The following UNC80 variants were observed in gnomAD, a reference collection of about 807,000 sequenced individuals.
UNC80 encodes the protein unc-80 subunit of NALCN channel complex.
Under a neutral mutation model 384.6 loss-of-function variants are expected in UNC80, and 164 were observed. The ratio of observed to expected loss-of-function variants is 0.43; its 90% CI spans 0.38 to 0.49. The LOEUF (loss-of-function observed/expected upper bound fraction) is 0.49, where lower values mean the gene tolerates loss of function less well. Ranked by LOEUF, UNC80 falls within the 20% of genes least tolerant of loss-of-function variation. UNC80 has a pLI of 0.00. For synonymous variants in UNC80, 1,486 were observed against 1,527.8 expected, an observed-to-expected ratio of 0.97 and a Z score of 0.64; for missense variants, 3,330 against 4,143.0, an observed-to-expected ratio of 0.80 and a Z score of 5.39.
intron 22 of UNC80, among the ~76,000 whole-genome samples, chr2:209,870,183 G>A (rs1414198271): frequency 6.6e-6 from 1 of 152,122 alleles, no homozygotes. Context: ...TATTTCAGCA[G>A]TGTTACCTAT....
rs6760481 is a variant in UNC80 at position 209,913,770 on chromosome 2, G to A, written c.4891-32G>A. 7.6e-4 allele frequency: 1,156 copies of A among 1,529,384 alleles called. 9 individuals are homozygous for A. The African/African-American group carries it at 0.014, about 18-fold the overall frequency. 94.7% of individuals were successfully genotyped at this position (1,529,384 alleles called of 1,614,324 possible). A position where few individuals can be genotyped will look rare whatever the true frequency, so the allele number is the denominator to read the frequency against. ...AAGTGCAGTATTCACTGTCTTAAAA[G>A]ATTTTAAAACATGATTTCCATCTTT... On this transcript the variant is annotated intron_variant, in intron 30 of 64. Transcript: ENST00000673920.
intron 61 of UNC80, among the ~76,000 whole-genome samples, chr2:209,988,890 C>T (rs1352188345): frequency 1.2e-4 from 18 of 152,124 alleles, no homozygotes; most frequent in Admixed American, 1.2e-3. Flanking sequence ...AGATTATTTA[C>T]TCCTAAATAT....
At chr2:209,831,390 C>T (rs2080956535) in intron 15 of UNC80, 53 bp from the exon 16 acceptor site, 2 of 1,510,054 alleles carry the variant, frequency 1.3e-6, no homozygotes, top group Admixed American at 2.2e-5. Context: ...TACTCCTACC[C>T]ATTGTGTAGC....
chr2:209,777,703 A>G, intron 4 of UNC80, 144 bp downstream of exon 4: 1 of 911,854 alleles, frequency 1.1e-6, no homozygotes, highest in Non-Finnish European at 1.6e-6. Context: ...TTCTGTGTTA[A>G]ACTACTGAAC....
intron 22 of UNC80, among the ~76,000 whole-genome samples, chr2:209,858,331 G>A (rs2083088033): frequency 6.6e-6 from 1 of 152,114 alleles, no homozygotes; most frequent in Admixed American, 6.5e-5. Context: ...CATTAGGTTA[G>A]TATTGGCTGG....
intron 43 of UNC80, among the ~76,000 whole-genome samples, chr2:209,940,340 A>C (rs1456699466): frequency 6.6e-6 from 1 of 152,150 alleles, no homozygotes; most frequent in Non-Finnish European, 1.5e-5. Flanking sequence ...CATAGTGCAT[A>C]TTTTTGTCAA....
At chr2:209,874,506 C>CT (rs1330939238) in intron 23 of UNC80, among the ~76,000 whole-genome samples, 1 of 152,212 alleles carries the variant, frequency 6.6e-6, no homozygotes, top group African/African-American at 2.4e-5. Context: ...TTCTGACTTT[C>CT]TTGCAGCATT....
At chr2:209,880,092 C>G (rs544607940) in intron 24 of UNC80, among the ~76,000 whole-genome samples, 1 of 152,078 alleles carries the variant, frequency 6.6e-6, no homozygotes, top group Non-Finnish European at 1.5e-5. Flanking sequence ...AGAAAGAATT[C>G]TACATGGCTT....
intron 7 of UNC80, among the ~76,000 whole-genome samples, chr2:209,804,679 T>TTATATA (rs992678961): frequency 2.7e-5 from 4 of 150,240 alleles, no homozygotes; most frequent in African/African-American, 9.8e-5. Context: ...TTCTTAGAAG[T>TTATATA]TATATATATA....
At chr2:209,961,432 C>G (rs903864872) in intron 51 of UNC80, 2 of 152,070 alleles carry the variant, frequency 1.3e-5, no homozygotes, top group Non-Finnish European at 2.9e-5. Flanking sequence ...GTTGTAAGTA[C>G]TATAATCACA....
At chr2:209,905,215 G>A (rs754785551) in intron 29 of UNC80, among the ~76,000 whole-genome samples, 6 of 152,082 alleles carry the variant, frequency 3.9e-5, no homozygotes, top group Non-Finnish European at 7.4e-5. Flanking sequence ...GGATGATGAC[G>A]ATGACGAATA....
chr2:209,926,793 A>G, intron 35 of UNC80, 50 bp from the exon 36 acceptor site: 1 of 1,546,380 alleles, frequency 6.5e-7, no homozygotes, highest in Non-Finnish European at 8.7e-7. Context: ...CAGTAGCAAC[A>G]AAGAATTACG....
chr2:209,773,073 A>ATT (rs1456285442), intron 1 of UNC80, 21 bp from the exon 2 acceptor site: 2 of 1,589,570 alleles, frequency 1.3e-6, no homozygotes, highest in East Asian at 4.5e-5. Flanking sequence ...TTATTAACAA[A>ATT]TATCTCTATT....
Position 209,994,091 on chromosome 2 carries a change from A to G in UNC80, c.9535A>G (p.Ile3179Val), listed in dbSNP as rs1276756067. ...SADQKRSVTF[I>V]EAQPEPAAAP... ...GGATCAGAAACGATCTGTGACCTTCATTGAGGCTCAGCCAGAGCCAGCAGC... is the reference window on the plus strand; with the variant it reads ...GGATCAGAAACGATCTGTGACCTTCGTTGAGGCTCAGCCAGAGCCAGCAGC... Residue 3179 changes from isoleucine to valine, a missense_variant, in exon 64 of 65, where the codon ATT (isoleucine) becomes GTT (valine). Transcript: ENST00000673920. 2 of 1,551,418 alleles carry G rather than the reference A, an allele frequency of 1.3e-6. No homozygotes were observed. The highest frequency in any genetic ancestry group is 1.2e-5 in the South Asian group (1 of 84,034).
intron 28 of UNC80, among the ~76,000 whole-genome samples, chr2:209,901,996 G>A (rs2087468664): frequency 6.6e-6 from 1 of 151,956 alleles, no homozygotes; most frequent in African/African-American, 2.4e-5. Context: ...GGATTCCTGT[G>A]ATGGATCTTG....
intron 29 of UNC80, among the ~76,000 whole-genome samples, chr2:209,911,270 A>G (rs2088909282): frequency 6.6e-6 from 1 of 152,186 alleles, no homozygotes; most frequent in African/African-American, 2.4e-5. Context: ...ATTGCTATAT[A>G]TGATTTTAGA....
At chr2:209,789,846 T>G (rs571196783) in intron 6 of UNC80, among the ~76,000 whole-genome samples, 8 of 152,112 alleles carry the variant, frequency 5.3e-5, no homozygotes, top group Non-Finnish European at 1.0e-4. Flanking sequence ...TTTATCTCGG[T>G]GGTTAGTGTG....
chr2:209,915,787 A>C (rs921089450), intron 31 of UNC80, among the ~76,000 whole-genome samples: 3 of 152,218 alleles, frequency 2.0e-5, no homozygotes, highest in Admixed American at 2.0e-4. Flanking sequence ...AGTTACATAA[A>C]AGGAATAAGT....
In UNC80 at chr2:209,937,542, A is replaced by T; in HGVS notation, c.6377A>T (p.Asp2126Val). Residue 2126 changes from aspartate to valine, a missense_variant, in exon 42 of 65, where the codon GAT becomes GTT. Transcript: ENST00000673920. ...TAATCCACACAGACCTATGTTCGAGATATTTATCCTTTCCGGAGGTCAGTA... is the reference window on the plus strand; with the variant it reads ...TAATCCACACAGACCTATGTTCGAGTTATTTATCCTTTCCGGAGGTCAGTA... The part of the protein sequence containing the change: ...LIHYNKTYVR[D>V]IYPFRRSVSP... The T allele has an allele frequency of 6.4e-7, 1 of 1,550,948 alleles. No individual in the cohort carries two copies. Among genetic ancestry groups the T allele is most frequent in the Non-Finnish European group, 8.7e-7 (1 of 1,146,292 alleles).
Sources: allele counts gnomAD v4.1 joint callset (sites outside exome capture counted in the v4.1 genomes callset), GRCh38; gene constraint gnomAD v4.1.1; transcripts MANE v1.5; gene names NCBI Gene and HGNC (gene_info 2026-07-23, HGNC 2026-07-21).